The following MAGI2 variants were observed in gnomAD, a reference collection of about 807,000 sequenced individuals.
MAGI2 encodes the protein membrane-associated guanylate kinase, WW and PDZ domain-containing protein 2.
MAGI2 carries 35 observed loss-of-function variants against 133.3 expected under a neutral mutation model. The ratio of observed to expected loss-of-function variants is 0.26; its 90% CI spans 0.20 to 0.35. The LOEUF is 0.35. MAGI2 is among the 10% of genes least tolerant of loss of function. MAGI2 has a pLI of 1.00. For synonymous variants in MAGI2, 729 were observed against 710.6 expected, an observed-to-expected ratio of 1.03 and a Z score of -0.41; for missense variants, 1,636 against 1,863.4, an observed-to-expected ratio of 0.88 and a Z score of 2.25.
intron 1 of MAGI2, among the ~76,000 whole-genome samples, chr7:79,083,304 T>A (rs1816211275): frequency 0.25 from 1 of 4 alleles, no homozygotes; most frequent in Admixed American, 0.5. Context: ...TATGATGTTA[T>A]TTTTTTTTTT....
chr7:78,823,391 G>A (rs1584033917), intron 2 of MAGI2, among the ~76,000 whole-genome samples: 1 of 152,048 alleles, frequency 6.6e-6, no homozygotes, highest in Non-Finnish European at 1.5e-5. Context: ...AGACTATCCT[G>A]GCTAACATGG....
At chr7:79,103,319 C>T (rs1818155949) in intron 1 of MAGI2, among the ~76,000 whole-genome samples, 2 of 152,294 alleles carry the variant, frequency 1.3e-5, no homozygotes, top group South Asian at 4.1e-4. Flanking sequence ...AGCCTGCTCC[C>T]TGTTTTTTAT....
chr7:79,278,229 A>G (rs1265524276), intron 1 of MAGI2, among the ~76,000 whole-genome samples: 2 of 152,138 alleles, frequency 1.3e-5, no homozygotes, highest in African/African-American at 2.4e-5. Context: ...TGTTCTTGCC[A>G]TGTAATGGGC....
Position 79,290,302 on chromosome 7 carries a change from C to T in MAGI2, c.301+162718G>A, listed in dbSNP as rs377273321. Among the ~76,000 whole-genome samples, 7 of 151,836 alleles carry T rather than the reference C, an allele frequency of 4.6e-5. No individual in the cohort carries two copies. In the East Asian group the frequency reaches 1.4e-3, roughly 29 times the overall value. ...ACTCACCACTTTCCTTTAAACTAAGCTTCGATCACTTTTGCTATCTTAATA... is the reference window on the plus strand; with the variant it reads ...ACTCACCACTTTCCTTTAAACTAAGTTTCGATCACTTTTGCTATCTTAATA... On this transcript the variant is annotated intron_variant, in intron 1 of 21. Coordinates refer to ENST00000354212, the MANE Select transcript of MAGI2 (RefSeq NM_012301.4).
At chr7:78,507,644 A>T (rs927061172) in intron 4 of MAGI2, among the ~76,000 whole-genome samples, 3 of 152,216 alleles carry the variant, frequency 2.0e-5, no homozygotes, top group Admixed American at 2.0e-4. Flanking sequence ...AGTGATACTC[A>T]ATGACATAAA....
At chr7:78,222,943 C>T (rs968556819) in intron 10 of MAGI2, among the ~76,000 whole-genome samples, 8 of 152,130 alleles carry the variant, frequency 5.3e-5, no homozygotes, top group South Asian at 4.2e-4. Context: ...TAAAAGTTAC[C>T]CAGGGCTGAA....
chr7:78,415,587 T>G (rs1798226563), intron 6 of MAGI2, among the ~76,000 whole-genome samples: 1 of 152,040 alleles, frequency 6.6e-6, no homozygotes, highest in African/African-American at 2.4e-5. Context: ...CTGCTCCCAT[T>G]TTCTGATCTG....
At chr7:78,163,845 T>A (rs1825347424) in intron 15 of MAGI2, among the ~76,000 whole-genome samples, 1 of 146,662 alleles carries the variant, frequency 6.8e-6, no homozygotes, top group East Asian at 2.0e-4. Context: ...AGGCAGAGCT[T>A]GCAGTGAGCT....
chr7:79,274,310 T>G (rs1835082641), intron 1 of MAGI2, among the ~76,000 whole-genome samples: 1 of 152,148 alleles, frequency 6.6e-6, no homozygotes, highest in Non-Finnish European at 1.5e-5. Flanking sequence ...TTTCTGATTC[T>G]GATTGGGTTT....
chr7:79,383,219 G>A (rs1290991449), intron 1 of MAGI2, among the ~76,000 whole-genome samples: 1 of 151,588 alleles, frequency 6.6e-6, no homozygotes, highest in Admixed American at 6.6e-5. Context: ...GGATTGGGAA[G>A]TTGTTTGGCC....
intron 1 of MAGI2, among the ~76,000 whole-genome samples, chr7:79,399,390 G>A (rs932102308): frequency 3.7e-4 from 56 of 152,120 alleles, no homozygotes; most frequent in Middle Eastern, 3.4e-3. Flanking sequence ...CACTGTGCCC[G>A]CCATAGTTCA....
chr7:78,709,240 C>G (rs559494015), intron 2 of MAGI2, among the ~76,000 whole-genome samples: 1 of 152,064 alleles, frequency 6.6e-6, no homozygotes, highest in East Asian at 1.9e-4. Context: ...TTTCTCCCAA[C>G]AATACCCCAG....
intron 1 of MAGI2, among the ~76,000 whole-genome samples, chr7:79,199,517 A>G (rs1828399292): frequency 6.6e-6 from 1 of 152,016 alleles, no homozygotes; most frequent in South Asian, 2.1e-4. Context: ...ACAAAGGCAA[A>G]TGGTTGGTCT....
intron 2 of MAGI2, among the ~76,000 whole-genome samples, chr7:78,646,946 A>C (rs1227594087): frequency 6.6e-6 from 1 of 152,186 alleles, no homozygotes; most frequent in Non-Finnish European, 1.5e-5. Context: ...GATTAGACAC[A>C]ATTGAGATAC....
Position 78,189,753 on chromosome 7 carries a change from A to C in MAGI2, c.2270-4083T>G, listed in dbSNP as rs187601649. ...GTATCTGCTTATTGCTCCAGCTTTC[A>C]AGGCTGCAGTGTGGAACAGGCCCAA... is the stretch of plus-strand genomic sequence containing the variant. On this transcript the variant is annotated intron_variant, in intron 12 of 21. Coordinates refer to ENST00000354212, the MANE Select transcript of MAGI2 (RefSeq NM_012301.4). 5.3e-5 allele frequency among the ~76,000 whole-genome samples: 8 copies of C among 152,284 alleles called. No individual in the cohort carries two copies. The South Asian group carries it at 1.0e-3, about 20-fold the overall frequency.
At chr7:78,231,210 T>C (rs1431596394) in intron 10 of MAGI2, among the ~76,000 whole-genome samples, 1 of 152,106 alleles carries the variant, frequency 6.6e-6, no homozygotes, top group Non-Finnish European at 1.5e-5. Context: ...TAAGGTTAAG[T>C]GAGAAGGCTC....
At chr7:78,784,746 G>A (rs1224754678) in intron 2 of MAGI2, among the ~76,000 whole-genome samples, 1 of 152,156 alleles carries the variant, frequency 6.6e-6, no homozygotes, top group African/African-American at 2.4e-5. Flanking sequence ...GCATAAAAAT[G>A]GATAGTTTTC....
At chr7:78,770,649 A>G (rs1216233388) in intron 2 of MAGI2, among the ~76,000 whole-genome samples, 4 of 152,210 alleles carry the variant, frequency 2.6e-5, no homozygotes. Context: ...GCTGTATTAA[A>G]CAAAAGCTCC....
intron 2 of MAGI2, among the ~76,000 whole-genome samples, chr7:78,955,649 C>T (rs1352814284): frequency 1.3e-5 from 2 of 149,196 alleles, no homozygotes; most frequent in Non-Finnish European, 3.0e-5. Context: ...TTTTCTCTCT[C>T]TCTCTCCCTT....
Sources: gnomAD v4.1 joint callset for allele counts (sites outside exome capture counted in the v4.1 genomes callset) on GRCh38, gnomAD v4.1.1 for gene constraint, MANE v1.5 for transcripts, NCBI Gene and HGNC (gene_info 2026-07-23, HGNC 2026-07-21) for gene names.